USP46: variants seen among roughly 807,000 people sequenced by gnomAD.
The protein encoded by USP46 is ubiquitin specific peptidase 46.
In USP46, 12 loss-of-function variants were observed where a neutral mutation model predicts 44.4. The ratio of observed to expected loss-of-function variants is 0.27; its 90% CI spans 0.17 to 0.44. USP46 has a LOEUF of 0.44. USP46 is among the 20% of genes least tolerant of loss of function. The pLI, the probability that USP46 is intolerant of heterozygous loss-of-function variation, is 1.00. For missense variants in USP46, 248 were observed against 444.8 expected (o/e 0.56, Z 3.98); for synonymous variants, 155 against 161.5 (o/e 0.96, Z 0.31).
intron 4 of USP46, among the ~76,000 whole-genome samples, chr4:52,619,237 T>A (rs1253658380): frequency 6.7e-6 from 1 of 150,106 alleles, no homozygotes; most frequent in Non-Finnish European, 1.5e-5. Flanking sequence ...ACTGTCTCCA[T>A]AAATCCCTCA....
rs1719079174 is a variant in USP46 at position 52,659,207 on chromosome 4, T to C, written c.-57A>G. 7 of 1,440,718 alleles carry C rather than the reference T, an allele frequency of 4.9e-6. No homozygotes were observed. In the South Asian group the frequency reaches 8.2e-5, roughly 17 times the overall value. 89.2% of individuals were successfully genotyped at this position (1,440,718 alleles called of 1,614,324 possible). A position where few individuals can be genotyped will look rare whatever the true frequency, so the allele number is the denominator to read the frequency against. Reference sequence around the variant, plus strand: ...CATCTTTACAAGGGGAAACCGGGACTGCCCATGGTGGCGCGCTGGCGGGGA... The same window carrying C: ...CATCTTTACAAGGGGAAACCGGGACCGCCCATGGTGGCGCGCTGGCGGGGA... On this transcript the variant is annotated 5_prime_UTR_variant, in exon 1 of 9. Coordinates refer to ENST00000441222, the MANE Select transcript of USP46 (RefSeq NM_022832.4). This position sits in a 1 kb window ranked among gnomAD's most constrained non-coding sequence, Gnocchi z 4.2.
intron 1 of USP46, among the ~76,000 whole-genome samples, chr4:52,636,593 C>T (rs113325630): frequency 3.5e-4 from 52 of 150,024 alleles, no homozygotes; most frequent in African/African-American, 1.2e-3. Flanking sequence ...GTAGTCCCAG[C>T]TACTTGGGAG....
intron 1 of USP46, among the ~76,000 whole-genome samples, chr4:52,654,138 A>G (rs571653007): frequency 1.3e-5 from 2 of 152,360 alleles, no homozygotes; most frequent in East Asian, 3.9e-4. Context: ...ACCTCTGCAT[A>G]TGAGACCAGT....
At chr4:52,629,469 C>CCA (rs1717723078) in intron 2 of USP46, among the ~76,000 whole-genome samples, 1 of 152,172 alleles carries the variant, frequency 6.6e-6, no homozygotes. Flanking sequence ...GGCAGAATCC[C>CCA]CATGCCTTGA....
At position 52,598,408 on chromosome 4, in the gene USP46, G is replaced by C. The variant is rs376151419; in HGVS notation, c.999+220C>G. Among the ~76,000 whole-genome samples the C allele has an allele frequency of 1.2e-4, 19 of 152,340 alleles. 1 individual carries two copies. The South Asian group carries it at 2.1e-3, about 17-fold the overall frequency. On this transcript the variant is annotated intron_variant, in intron 8 of 8. Coordinates refer to ENST00000441222, the MANE Select transcript of USP46 (RefSeq NM_022832.4). ...ATAGAGAGATCCCATGTCTATGGATGAACCGTGGAGAACACAGCGTCAGTG... is the reference window on the plus strand; with the variant it reads ...ATAGAGAGATCCCATGTCTATGGATCAACCGTGGAGAACACAGCGTCAGTG...
At chr4:52,599,405 G>C (rs189841643) in intron 7 of USP46, among the ~76,000 whole-genome samples, 2 of 152,132 alleles carry the variant, frequency 1.3e-5, no homozygotes, top group Admixed American at 1.3e-4. Flanking sequence ...AAGGAGGCCA[G>C]AGCAGCAGAG....
chr4:52,626,329 A>G (rs1717583722), intron 3 of USP46, 82 bp from the exon 4 acceptor site: 1 of 1,252,448 alleles, frequency 8.0e-7, no homozygotes, highest in Non-Finnish European at 1.1e-6. Context: ...CCATACTTAA[A>G]TATTTTTTTT....
chr4:52,642,710 A>AT (rs1211281210), intron 1 of USP46, among the ~76,000 whole-genome samples: 3 of 152,198 alleles, frequency 2.0e-5, no homozygotes, highest in Non-Finnish European at 4.4e-5. Context: ...AGGAAAGCAG[A>AT]TTTTTTTTCA....
chr4:52,598,807 CTA>C (rs1291298196), intron 7 of USP46, 101 bp from the exon 8 acceptor site: 2 of 1,129,364 alleles, frequency 1.8e-6, no homozygotes, highest in Non-Finnish European at 1.3e-6. Flanking sequence ...GGAAAAAAAA[CTA>C]TGTCATCAGC....
chr4:52,598,873 C>T (rs1287858278), intron 7 of USP46, among the ~76,000 whole-genome samples, 167 bp from the exon 8 acceptor site: 1 of 152,178 alleles, frequency 6.6e-6, no homozygotes, highest in East Asian at 1.9e-4. Flanking sequence ...ATGCTGGACA[C>T]AGGGGAATAC....
intron 1 of USP46, among the ~76,000 whole-genome samples, chr4:52,651,952 C>T (rs576565141): frequency 6.6e-6 from 1 of 152,182 alleles, no homozygotes; most frequent in Non-Finnish European, 1.5e-5. Flanking sequence ...TCACCTGCAT[C>T]TTCCAATCCA....
intron 1 of USP46, among the ~76,000 whole-genome samples, chr4:52,654,892 C>A (rs1718896704): frequency 6.6e-6 from 1 of 152,110 alleles, no homozygotes; most frequent in South Asian, 2.1e-4. Context: ...AGGAATTCTA[C>A]CATGAAGTTT....
At chr4:52,634,359 A>G (rs1166776530) in intron 1 of USP46, among the ~76,000 whole-genome samples, 1 of 150,234 alleles carries the variant, frequency 6.7e-6, no homozygotes, top group Non-Finnish European at 1.5e-5. Context: ...AAATACAAAA[A>G]TTGACCGGTT....
In USP46 at chr4:52,611,487, AAAC is replaced by A. The variant is rs1375871276; in HGVS notation, c.562-873_562-871del. Among the ~76,000 whole-genome samples the A allele has an allele frequency of 2.6e-5, 4 of 152,238 alleles. No homozygotes were observed. The East Asian group carries it at 7.7e-4, about 29-fold the overall frequency. On this transcript the variant is annotated intron_variant, in intron 4 of 8. Coordinates refer to ENST00000441222, the MANE Select transcript of USP46 (RefSeq NM_022832.4). ...GCTCAGTCATTTAGCAGCAAAATGA[AAAC>A]AACATTCTTTTTAAAGTGTGACAAC...
chr4:52,609,722 C>T (rs996747544), intron 5 of USP46, among the ~76,000 whole-genome samples: 1 of 151,814 alleles, frequency 6.6e-6, no homozygotes, highest in African/African-American at 2.4e-5. Context: ...CTGCACAGTG[C>T]AATAAGACAG....
intron 1 of USP46, among the ~76,000 whole-genome samples, chr4:52,655,721 C>T (rs1202429040): frequency 6.6e-6 from 1 of 152,212 alleles, no homozygotes; most frequent in East Asian, 1.9e-4. Flanking sequence ...GCCAAACAAG[C>T]TTTACTATCT....
chr4:52,606,964 G>C (rs901651295), intron 5 of USP46, among the ~76,000 whole-genome samples: 1 of 152,206 alleles, frequency 6.6e-6, no homozygotes, highest in Admixed American at 6.5e-5. Flanking sequence ...GGGATTGACT[G>C]GAGTGGAACG....
intron 4 of USP46, among the ~76,000 whole-genome samples, chr4:52,617,160 AAC>A (rs1717186156): frequency 6.6e-6 from 1 of 152,230 alleles, no homozygotes; most frequent in Non-Finnish European, 1.5e-5. Flanking sequence ...TCTAAATGAC[AAC>A]AGTGGCATCT....
intron 1 of USP46, among the ~76,000 whole-genome samples, chr4:52,648,762 T>C (rs1428366924): frequency 6.6e-6 from 1 of 152,198 alleles, no homozygotes; most frequent in East Asian, 1.9e-4. Context: ...GGAAACCCAG[T>C]TCCTGAAGCA....
Sources: gnomAD v4.1 joint callset for allele counts (sites outside exome capture counted in the v4.1 genomes callset) on GRCh38, gnomAD v4.1.1 for gene constraint, Gnocchi (gnomAD v3.1) non-coding constraint, MANE v1.5 for transcripts, NCBI Gene and HGNC (gene_info 2026-07-23, HGNC 2026-07-21) for gene names.